The following FAT1 variants were observed in gnomAD, a reference collection of about 807,000 sequenced individuals.
FAT1 encodes the protein FAT atypical cadherin 1, also known as protocadherin Fat 1.
In FAT1, 171 loss-of-function variants were observed where a neutral mutation model predicts 329.8. That is an observed-to-expected ratio of 0.52 (90% CI 0.46 to 0.59). The LOEUF (loss-of-function observed/expected upper bound fraction) is 0.59, where lower values mean the gene tolerates loss of function less well. Among genes scored for constraint, FAT1 ranks in the 20% least tolerant of loss-of-function variants. The pLI, the probability that FAT1 is intolerant of heterozygous loss-of-function variation, is 0.00. For missense variants in FAT1, 5,672 were observed against 5,774.4 expected, an observed-to-expected ratio of 0.98 and a Z score of 0.57; for synonymous variants, 2,233 against 2,228.6, an observed-to-expected ratio of 1.00 and a Z score of -0.06.
At chr4:186,662,936 A>T (rs933720496) in intron 3 of FAT1, among the ~76,000 whole-genome samples, 1 of 151,810 alleles carries the variant, frequency 6.6e-6, no homozygotes, top group South Asian at 2.1e-4. Flanking sequence ...CCCCGGGTTC[A>T]CGCCATTCTC....
rs2126682526 is a variant in FAT1, at chr4:186,706,684, A to G, written c.3144T>C (p.Pro1048=). The part of the protein sequence containing the change: ...VEKGTVKEDA[P]VGSLVMTVSA... ...ACACCGTCATTACCAATGAACCAAC[A>G]GGTGCATCTTCTTTCACTGTCCCCT... Residue 1048 remains proline (P), a synonymous_variant, in exon 2 of 27, where the codon CCT becomes CCC. Transcript: ENST00000441802. 2 of 1,613,984 alleles carry G rather than the reference A, an allele frequency of 1.2e-6. No homozygotes were observed. Among genetic ancestry groups the G allele is most frequent in the Non-Finnish European group, 1.7e-6 (2 of 1,179,876 alleles).
rs370628880 is a variant in FAT1, at chr4:186,614,272, C to T, written c.9148G>A (p.Ala3050Thr). 1.0e-5 allele frequency: 16 copies of T among 1,602,926 alleles called. No homozygotes were observed. Among genetic ancestry groups the T allele is most frequent in the East Asian group, 4.5e-5 (2 of 44,304 alleles). The change falls in exon 12 of 27, where the codon GCA becomes ACA. Residue 3050 changes from alanine to threonine, a missense_variant. Physicochemically the swap from Ala to Thr is moderately conservative, Grantham distance 58. Coordinates refer to ENST00000441802, the MANE Select transcript of FAT1 (RefSeq NM_005245.4). ...KLIMQISATDADIRSNAEITY... is the reference protein window; with the variant it reads ...KLIMQISATDTDIRSNAEITY... ...ATTTCAGCGTTAGAGCGGATGTCTG[C>T]GTCTGTAGCAGAGATCTGCATGATC...
At chr4:186,702,680 AC>A (rs557555402) in intron 2 of FAT1, among the ~76,000 whole-genome samples, 23 of 152,324 alleles carry the variant, frequency 1.5e-4, no homozygotes, top group Non-Finnish European at 2.4e-4. Context: ...GTAATAATTA[AC>A]TTGCTAAGTA....
In FAT1 at chr4:186,596,530, T is replaced by C; in HGVS notation, c.13000+10A>G. 1 of 1,604,204 alleles carries C rather than the reference T, an allele frequency of 6.2e-7. No individual in the cohort carries two copies. Among genetic ancestry groups the C allele is most frequent in the Admixed American group, 1.7e-5 (1 of 57,536 alleles). ...GTGACACTTTAGTGAGATGAAAAAG[T>C]GGCTCTTACTGTCATAGTCAAAGTC... is the stretch of plus-strand genomic sequence containing the variant. On this transcript the variant is annotated intron_variant, in intron 25 of 26. Transcript: ENST00000441802. The surrounding 1 kb of genome is among the most constrained non-coding windows in gnomAD (Gnocchi z 4.7).
intron 3 of FAT1, among the ~76,000 whole-genome samples, chr4:186,645,576 A>AATAAATCTAG (rs924684597): frequency 6.6e-6 from 1 of 151,438 alleles, no homozygotes; most frequent in Non-Finnish European, 1.5e-5. Context: ...TTGGGGGTTC[A>AATAAATCTAG]ATAAATCTAG....
In FAT1 at chr4:186,633,835, A is replaced by G. The variant is rs752009240; in HGVS notation, c.4184-12T>C. On this transcript the variant is annotated splice_polypyrimidine_tract_variant and intron_variant, in intron 6 of 26. Transcript: ENST00000441802. ...GTCGTAGTTGCCACCTAATTTGGGGAAAAAAAAGTAAAAACAGGTCACAGG... is the reference window on the plus strand; with the variant it reads ...GTCGTAGTTGCCACCTAATTTGGGGGAAAAAAAGTAAAAACAGGTCACAGG... The G allele has an allele frequency of 2.0e-5, 33 of 1,610,782 alleles. No individual in the cohort carries two copies. The highest frequency in any genetic ancestry group is 2.0e-4 in the East Asian group (9 of 44,824).
At chr4:186,687,865 T>G (rs936847710) in intron 2 of FAT1, among the ~76,000 whole-genome samples, 2 of 152,128 alleles carry the variant, frequency 1.3e-5, no homozygotes, top group Admixed American at 6.5e-5. Context: ...ATGTTTTCTG[T>G]TCATCATTTT....
chr4:186,633,516 GAATT>G (rs1332688138), intron 7 of FAT1, among the ~76,000 whole-genome samples, 164 bp downstream of exon 7: 1 of 152,128 alleles, frequency 6.6e-6, no homozygotes, highest in African/African-American at 2.4e-5. Context: ...TTGGGATATG[GAATT>G]AATTTTCTTT....
intron 3 of FAT1, among the ~76,000 whole-genome samples, chr4:186,641,874 GCA>G (rs1427824512): frequency 6.6e-6 from 1 of 152,028 alleles, no homozygotes; most frequent in Non-Finnish European, 1.5e-5. Context: ...TGACATGGTG[GCA>G]CACACCTGTA....
rs1393821688 is a variant in FAT1 at position 186,709,353 on chromosome 4, G to T, written c.475C>A (p.Pro159Thr). ...FSPTSYSVSL[P>T]ENTAIRTSIA... is the part of the protein sequence containing the mutation. ...CTGGTCCTTATAGCTGTGTTTTCAG[G>T]TAAAGAAACGCTGTATGAGGTGGGT... The change falls in exon 2 of 27, where the codon CCT (proline) becomes ACT (threonine). Residue 159 changes from proline (P) to threonine (T), a missense_variant. By Grantham distance (38) the Pro-to-Thr change is conservative. Transcript: ENST00000441802. 1.2e-6 allele frequency: 2 copies of T among 1,613,954 alleles called. No homozygotes were observed. The highest frequency in any genetic ancestry group is 4.5e-5 in the East Asian group (2 of 44,874).
At chr4:186,650,645 G>A (rs768096767) in intron 3 of FAT1, among the ~76,000 whole-genome samples, 24 of 152,036 alleles carry the variant, frequency 1.6e-4, no homozygotes, top group Admixed American at 2.0e-4. Context: ...CTGTCCTTTC[G>A]ATTTTAACCG....
chr4:186,655,584 AC>A (rs1017625593), intron 3 of FAT1, among the ~76,000 whole-genome samples: 1 of 151,932 alleles, frequency 6.6e-6, no homozygotes, highest in Non-Finnish European at 1.5e-5. Flanking sequence ...ACAGGTGTGC[AC>A]CACCACACCC....
intron 3 of FAT1, among the ~76,000 whole-genome samples, chr4:186,658,069 T>G (rs1028480478): frequency 6.6e-6 from 1 of 152,226 alleles, no homozygotes. Context: ...CTTGAGCAAG[T>G]GCTCAACTTA....
At chr4:186,625,183 T>A (rs1740241464) in intron 9 of FAT1, among the ~76,000 whole-genome samples, 1 of 152,226 alleles carries the variant, frequency 6.6e-6, no homozygotes, top group Non-Finnish European at 1.5e-5. Context: ...TAACATTTTC[T>A]CCTACATAAA....
chr4:186,645,327 T>A (rs1014070303), intron 3 of FAT1, among the ~76,000 whole-genome samples: 2 of 140,234 alleles, frequency 1.4e-5, no homozygotes, highest in African/African-American at 5.3e-5. Flanking sequence ...TTTGACAGTT[T>A]GTTAGCCAAG....
rs2126692529 is a variant in FAT1, at chr4:186,707,937, T to C, written c.1891A>G (p.Met631Val). 5.0e-6 allele frequency: 8 copies of C among 1,614,032 alleles called. No homozygotes were observed. Among genetic ancestry groups the C allele is most frequent in the Non-Finnish European group, 6.8e-6 (8 of 1,179,914 alleles). The change falls in exon 2 of 27, where the codon ATG becomes GTG. Residue 631 changes from methionine to valine, a missense_variant. Coordinates refer to ENST00000441802, the MANE Select transcript of FAT1 (RefSeq NM_005245.4). ...GACACCTTTGCACCTAAGCCATCCA[T>C]TAGCGATCGCTTTAATGACAATACC... ...SGVLSLKRSL[M>V]DGLGAKVSFH...
chr4:186,625,733 A>G (rs75008275), intron 9 of FAT1, among the ~76,000 whole-genome samples: 4,265 of 152,376 alleles, frequency 0.028, 87 homozygotes, highest in South Asian at 0.039. Context: ...ACATTTCATC[A>G]CTTTCAGAGG....
intron 3 of FAT1, among the ~76,000 whole-genome samples, chr4:186,649,903 T>C (rs1441260713): frequency 6.6e-6 from 1 of 152,200 alleles, no homozygotes; most frequent in Non-Finnish European, 1.5e-5. Context: ...ACCTTTTTAT[T>C]TGGATAGCAA....
Position 186,706,641 on chromosome 4 carries a change from C to T in FAT1, c.3187G>A (p.Ala1063Thr), listed in dbSNP as rs367960445. The T allele has an allele frequency of 2.0e-5, 33 of 1,613,854 alleles. No individual in the cohort carries two copies. The highest frequency in any genetic ancestry group is 1.6e-4 in the Middle Eastern group (1 of 6,084). ...TATCGGATCTCCCCATCTCTTCTGG[C>T]GTCCTCATCATGAGCCGACACCGTC... ...VMTVSAHDED[A>T]RRDGEIRYSI... The change falls in exon 2 of 27, where the codon GCC (alanine) becomes ACC (threonine). Residue 1063 changes from alanine (A) to threonine (T), a missense_variant. By Grantham distance (58) the Ala-to-Thr change is moderately conservative. Around this residue, in one of 2 missense-constraint regions of FAT1, gnomAD observed 3,966 missense variants for 3,915.2 expected, o/e 1.01. Transcript: ENST00000441802.
Sources: gnomAD v4.1 joint callset for allele counts (sites outside exome capture counted in the v4.1 genomes callset) on GRCh38, gnomAD v4.1.1 for gene constraint, gnomAD v4.1.1 regional missense constraint, Gnocchi (gnomAD v3.1) non-coding constraint, MANE v1.5 for transcripts, NCBI Gene and HGNC (gene_info 2026-07-23, HGNC 2026-07-21) for gene names.